The following ENTREP2 variants were observed in gnomAD, a reference collection of about 807,000 sequenced individuals.
ENTREP2 encodes the protein protein ENTREP2.
the ENTREP2 span, among the ~76,000 whole-genome samples, chr15:29,365,892 C>T: frequency 6.6e-6 from 1 of 152,212 alleles, no homozygotes; most frequent in African/African-American, 2.4e-5. Context: ...CCCAGCACCA[C>T]CCAGCAACCC....
chr15:29,638,651 A>G, the ENTREP2 span, among the ~76,000 whole-genome samples: 2 of 152,218 alleles, frequency 1.3e-5, no homozygotes, highest in Non-Finnish European at 2.9e-5. Context: ...CTGAAGCAGG[A>G]GGATCCCTTC....
chr15:29,557,762 G>A, the ENTREP2 span, among the ~76,000 whole-genome samples: 1 of 152,168 alleles, frequency 6.6e-6, no homozygotes, highest in African/African-American at 2.4e-5. Context: ...GGATCTTTAG[G>A]GAGGTGCCCG....
At chr15:29,479,560 T>C in the ENTREP2 span, among the ~76,000 whole-genome samples, 2 of 151,916 alleles carry the variant, frequency 1.3e-5, no homozygotes, top group African/African-American at 4.8e-5. Flanking sequence ...TGCTCCCCAC[T>C]ACTCCACCCC....
the ENTREP2 span, among the ~76,000 whole-genome samples, chr15:29,206,929 C>T: frequency 2.5e-4 from 38 of 152,126 alleles, no homozygotes; most frequent in African/African-American, 9.2e-4. Context: ...TCACCAACAT[C>T]GACAGTTTGG....
the ENTREP2 span, among the ~76,000 whole-genome samples, chr15:29,530,103 C>G: frequency 2.6e-5 from 4 of 152,138 alleles, no homozygotes; most frequent in African/African-American, 9.7e-5. Context: ...GCTCACATCT[C>G]CCATGCTCGG....
the ENTREP2 span, chr15:29,137,019 C>T: frequency 1.4e-6 from 2 of 1,419,284 alleles, no homozygotes; most frequent in Non-Finnish European, 9.2e-7. Flanking sequence ...ATGGGGGCAG[C>T]CGCGGGAGAC....
At chr15:29,535,510 T>A in the ENTREP2 span, among the ~76,000 whole-genome samples, 1,784 of 152,152 alleles carry the variant, frequency 0.012, 30 homozygotes, top group African/African-American at 0.041. Flanking sequence ...GGTGAGACCC[T>A]GTCTCTACAA....
chr15:29,267,952 A>C, the ENTREP2 span: 5 of 152,232 alleles, frequency 3.3e-5, no homozygotes, highest in Non-Finnish European at 5.9e-5. Context: ...GTTAATGGTT[A>C]CGCTATTGTT....
the ENTREP2 span, among the ~76,000 whole-genome samples, chr15:29,419,388 G>C: frequency 2.0e-5 from 3 of 152,012 alleles, no homozygotes; most frequent in Non-Finnish European, 4.4e-5. Flanking sequence ...AGATACAGAA[G>C]ATAAGACTAG....
the ENTREP2 span, among the ~76,000 whole-genome samples, chr15:29,295,381 T>C: frequency 6.6e-6 from 1 of 152,144 alleles, no homozygotes; most frequent in South Asian, 2.1e-4. Context: ...CACTGCTGAA[T>C]TGACAGCCAG....
chr15:29,521,930 A>G, the ENTREP2 span, among the ~76,000 whole-genome samples: 1 of 152,222 alleles, frequency 6.6e-6, no homozygotes, highest in East Asian at 1.9e-4. Context: ...AAGACAGACA[A>G]GTAGACCAAT....
chr15:29,362,250 C>T, the ENTREP2 span, among the ~76,000 whole-genome samples: 1 of 151,688 alleles, frequency 6.6e-6, no homozygotes, highest in Non-Finnish European at 1.5e-5. Context: ...TCAGAAGCAG[C>T]AATCAGGGAA....
At chr15:29,178,946 G>A in the ENTREP2 span, among the ~76,000 whole-genome samples, 2 of 152,220 alleles carry the variant, frequency 1.3e-5, no homozygotes, top group African/African-American at 4.8e-5. Context: ...AGAAGGGCAA[G>A]AAGCAGTCTG....
At chr15:29,602,248 T>C in the ENTREP2 span, among the ~76,000 whole-genome samples, 6 of 152,330 alleles carry the variant, frequency 3.9e-5, no homozygotes, top group Middle Eastern at 3.4e-3. Flanking sequence ...CCTACTACAG[T>C]ACCTTGTGTA....
the ENTREP2 span, among the ~76,000 whole-genome samples, chr15:29,529,592 C>T: frequency 6.6e-6 from 1 of 151,954 alleles, no homozygotes; most frequent in African/African-American, 2.4e-5. Context: ...TGAGCCATTA[C>T]CACCTGCAGG....
the ENTREP2 span, among the ~76,000 whole-genome samples, chr15:29,444,208 A>AC: frequency 1.9e-4 from 29 of 148,810 alleles, no homozygotes; most frequent in East Asian, 5.9e-4. Context: ...GAAAGAAAGA[A>AC]AGAAAGAAAG....
At chr15:29,397,664 T>G in the ENTREP2 span, among the ~76,000 whole-genome samples, 2 of 152,192 alleles carry the variant, frequency 1.3e-5, no homozygotes, top group African/African-American at 4.8e-5. Flanking sequence ...CTACAATTGA[T>G]TCCCCAAAAG....
chr15:29,633,861 A>AG, the ENTREP2 span, among the ~76,000 whole-genome samples: 552 of 152,214 alleles, frequency 3.6e-3, 3 homozygotes, highest in African/African-American at 0.013. Flanking sequence ...CGGGAGGCTG[A>AG]GGCGAGAGAA....
the ENTREP2 span, among the ~76,000 whole-genome samples, chr15:29,496,721 TATTG>T: frequency 6.6e-6 from 1 of 152,232 alleles, no homozygotes; most frequent in Non-Finnish European, 1.5e-5. Flanking sequence ...GTACCACACT[TATTG>T]ATTATATTGA....
Sources: gnomAD v4.1 joint callset for allele counts (sites outside exome capture counted in the v4.1 genomes callset) on GRCh38, gnomAD v4.1.1 for gene constraint, MANE v1.5 for transcripts, NCBI Gene and HGNC (gene_info 2026-07-23, HGNC 2026-07-21) for gene names.